The following HPCAL1 variants were observed in gnomAD, a reference collection of about 807,000 sequenced individuals.
The protein encoded by HPCAL1 is hippocalcin like 1.
A neutral mutation model predicts 17.1 loss-of-function variants in HPCAL1; 8 were observed. That is an observed-to-expected ratio of 0.47 (90% CI 0.27 to 0.84). The LOEUF (loss-of-function observed/expected upper bound fraction) is 0.84, where lower values mean the gene tolerates loss of function less well. Among genes scored for constraint, HPCAL1 ranks in the 40% least tolerant of loss-of-function variants. The pLI, the probability that HPCAL1 is intolerant of heterozygous loss-of-function variation, is 0.13. For missense variants in HPCAL1, 165 were observed against 271.1 expected (o/e 0.61, Z 2.75); for synonymous variants, 112 against 111.4 (o/e 1.01, Z -0.03).
At chr2:10,371,033 C>A (rs1050111880) in intron 1 of HPCAL1, among the ~76,000 whole-genome samples, 5 of 152,126 alleles carry the variant, frequency 3.3e-5, no homozygotes, top group Non-Finnish European at 7.4e-5. Context: ...AGAGGAGGCA[C>A]CTCCAGGCTG....
intron 2 of HPCAL1, among the ~76,000 whole-genome samples, chr2:10,398,963 G>A (rs1310184488): frequency 6.6e-6 from 1 of 152,036 alleles, no homozygotes; most frequent in Non-Finnish European, 1.5e-5. Context: ...AGAGAGTGGG[G>A]GAACATCTGG....
intron 1 of HPCAL1, among the ~76,000 whole-genome samples, chr2:10,355,738 G>T (rs1666115788): frequency 6.6e-6 from 1 of 151,836 alleles, no homozygotes; most frequent in Non-Finnish European, 1.5e-5. Context: ...GTTTGCAAAG[G>T]CATTTGAAGA....
chr2:10,403,151 C>T (rs925977744), intron 2 of HPCAL1, among the ~76,000 whole-genome samples: 1 of 152,164 alleles, frequency 6.6e-6, no homozygotes, highest in African/African-American at 2.4e-5. Flanking sequence ...TGAACAAGGT[C>T]CCGGGGAGAG....
chr2:10,422,732 C>T (rs544051799), intron 3 of HPCAL1, among the ~76,000 whole-genome samples: 3 of 152,212 alleles, frequency 2.0e-5, no homozygotes, highest in African/African-American at 7.2e-5. Flanking sequence ...CACTACCCAC[C>T]CCCAGGCAGA....
chr2:10,311,716 C>G (rs1413903323), intron 1 of HPCAL1, among the ~76,000 whole-genome samples: 3 of 152,202 alleles, frequency 2.0e-5, no homozygotes, highest in Non-Finnish European at 4.4e-5. Flanking sequence ...GCTCCTTCCC[C>G]CTGTGGTTTG....
intron 2 of HPCAL1, among the ~76,000 whole-genome samples, chr2:10,404,214 A>G (rs1472059766): frequency 1.3e-5 from 2 of 152,110 alleles, no homozygotes; most frequent in African/African-American, 4.8e-5. Flanking sequence ...ACACCCCAGG[A>G]TGAAGTCTGG....
In HPCAL1 at chr2:10,324,538, A is replaced by G. The variant is rs371384326; in HGVS notation, c.-111+21361A>G. 17 of 152,282 alleles carry G rather than the reference A, an allele frequency of 1.1e-4. No individual in the cohort carries two copies. In the East Asian group the frequency reaches 3.1e-3, roughly 28 times the overall value. 9.4% of individuals were successfully genotyped at this position (152,282 alleles called of 1,614,324 possible). A position where few individuals can be genotyped will look rare whatever the true frequency, so the allele number is the denominator to read the frequency against. ...ATATTGTGGCCATTCAGCACTTCTC[A>G]AAAGTTGCTGCTCTGCTAAAAAATT... On this transcript the variant is annotated intron_variant, in intron 1 of 4. Coordinates refer to ENST00000307845, the MANE Select transcript of HPCAL1 (RefSeq NM_002149.4).
At chr2:10,386,987 G>T (rs1193911941) in intron 1 of HPCAL1, among the ~76,000 whole-genome samples, 1 of 152,222 alleles carries the variant, frequency 6.6e-6, no homozygotes, top group African/African-American at 2.4e-5. Context: ...GAGAAGCGGG[G>T]CTTGCAGGCC....
intron 3 of HPCAL1, among the ~76,000 whole-genome samples, chr2:10,422,178 G>A (rs1186313939): frequency 5.3e-5 from 8 of 152,188 alleles, no homozygotes; most frequent in Admixed American, 5.2e-4. Flanking sequence ...CGACGCCATC[G>A]ATGGCTCCCT....
At chr2:10,337,513 G>A (rs1037706104) in intron 1 of HPCAL1, among the ~76,000 whole-genome samples, 1 of 152,014 alleles carries the variant, frequency 6.6e-6, no homozygotes, top group African/African-American at 2.4e-5. Flanking sequence ...TATCTAGCTT[G>A]GTAGTTTTCA....
In HPCAL1 at chr2:10,384,078, T is replaced by C. The variant is rs1668149025; in HGVS notation, c.-110-12757T>C. ...GGTGGCTCTGGATTGGTAAGCTGGC[T>C]CCATGGCAAGAATCAGCATCCTAAT... is the stretch of plus-strand genomic sequence containing the variant. On this transcript the variant is annotated intron_variant, in intron 1 of 4. Coordinates refer to ENST00000307845, the MANE Select transcript of HPCAL1 (RefSeq NM_002149.4). The surrounding 1 kb of genome is among the most constrained non-coding windows in gnomAD (Gnocchi z 4.4). Among the ~76,000 whole-genome samples, 1 of 151,996 alleles carries C rather than the reference T, an allele frequency of 6.6e-6. No individual in the cohort carries two copies. The highest frequency in any genetic ancestry group is 1.5e-5 in the Non-Finnish European group (1 of 67,998).
chr2:10,366,931 T>TA (rs1666887450), intron 1 of HPCAL1, among the ~76,000 whole-genome samples: 1 of 152,160 alleles, frequency 6.6e-6, no homozygotes, highest in African/African-American at 2.4e-5. Flanking sequence ...GGAGGCTGTG[T>TA]AGGCCCAGGA....
intron 2 of HPCAL1, among the ~76,000 whole-genome samples, chr2:10,411,961 A>G (rs1407023322): frequency 1.3e-5 from 2 of 151,882 alleles, no homozygotes; most frequent in African/African-American, 2.4e-5. Context: ...TCCTCCCCCA[A>G]GCTTTGGAGA....
At chr2:10,350,010 A>T (rs1164064283) in intron 1 of HPCAL1, among the ~76,000 whole-genome samples, 2 of 152,192 alleles carry the variant, frequency 1.3e-5, no homozygotes, top group South Asian at 2.1e-4. Flanking sequence ...TATTTTGTTC[A>T]TGCCTAATTG....
At chr2:10,371,056 A>G (rs1369380477) in intron 1 of HPCAL1, among the ~76,000 whole-genome samples, 1 of 152,106 alleles carries the variant, frequency 6.6e-6, no homozygotes, top group Non-Finnish European at 1.5e-5. Flanking sequence ...GGGTCCAGTG[A>G]CCTGGCATGG....
intron 1 of HPCAL1, among the ~76,000 whole-genome samples, chr2:10,347,012 G>A (rs892911884): frequency 2.7e-4 from 37 of 137,620 alleles, no homozygotes; most frequent in Admixed American, 7.1e-4. Context: ...AGAGTGGTGC[G>A]AACTGTTTTC....
rs145097487 is a variant in HPCAL1 at position 10,382,914 on chromosome 2, C to T, written c.-110-13921C>T. Reference sequence around the variant, plus strand: ...CTGAGCACTTGAAGCTGCGTTTCCTCGAGCTCCTTCCTGTTTAAGAACAGG... The same window carrying T: ...CTGAGCACTTGAAGCTGCGTTTCCTTGAGCTCCTTCCTGTTTAAGAACAGG... On this transcript the variant is annotated intron_variant, in intron 1 of 4. Coordinates refer to ENST00000307845, the MANE Select transcript of HPCAL1 (RefSeq NM_002149.4). Among the ~76,000 whole-genome samples the T allele has an allele frequency of 2.0e-3, 311 of 152,330 alleles. 1 individual carries two copies. The highest frequency in any genetic ancestry group is 5.8e-3 in the South Asian group (28 of 4,828).
In HPCAL1 at chr2:10,426,597, C is replaced by G. The variant is rs114832138; in HGVS notation, c.485-127C>G. The G allele has an allele frequency of 1.2e-4, 92 of 759,720 alleles. No individual in the cohort carries two copies. In the African/African-American group the frequency reaches 1.3e-3, roughly 11 times the overall value. The allele number at this position is 759,720 out of a possible 1,614,324, so 47.1% of individuals were successfully genotyped here. A position where few individuals can be genotyped will look rare whatever the true frequency, so the allele number is the denominator to read the frequency against. The stretch of plus-strand genomic sequence containing the variant: ...AAGTGAATGGAGACTAGACACCGTC[C>G]AGCTTCAAGAAGGCTCAGGACTTTC... On this transcript the variant is annotated intron_variant, in intron 4 of 4. Transcript: ENST00000307845.
intron 2 of HPCAL1, among the ~76,000 whole-genome samples, chr2:10,404,385 C>T (rs1210988568): frequency 2.6e-5 from 4 of 152,202 alleles, no homozygotes; most frequent in African/African-American, 7.2e-5. Flanking sequence ...TCCCCAGCCC[C>T]GCTGAGCTCA....
Sources: gnomAD v4.1 joint callset for allele counts (sites outside exome capture counted in the v4.1 genomes callset) on GRCh38, gnomAD v4.1.1 for gene constraint, Gnocchi (gnomAD v3.1) non-coding constraint, MANE v1.5 for transcripts, NCBI Gene and HGNC (gene_info 2026-07-23, HGNC 2026-07-21) for gene names.